The following CEP295 variants were observed in gnomAD, a reference collection of about 807,000 sequenced individuals.
The protein encoded by CEP295 is centrosomal protein 295, also known as centrosomal protein of 295 kDa.
A neutral mutation model predicts 291.6 loss-of-function variants in CEP295; 190 were observed. The ratio of observed to expected loss-of-function variants is 0.65; its 90% CI spans 0.58 to 0.73. The LOEUF (loss-of-function observed/expected upper bound fraction) is 0.73. Ranked by LOEUF, CEP295 falls within the 30% of genes least tolerant of loss-of-function variation. The pLI, the probability that CEP295 is intolerant of heterozygous loss-of-function variation, is 0.00. For missense variants in CEP295, 2,863 were observed against 2,949.4 expected (o/e 0.97, Z 0.68); for synonymous variants, 993 against 1,038.8 (o/e 0.96, Z 0.85).
intron 4 of CEP295, 134 bp from the exon 5 acceptor site, chr11:93,669,543 C>A: frequency 1.8e-6 from 1 of 544,020 alleles, no homozygotes; most frequent in Non-Finnish European, 3.3e-6. Flanking sequence ...AGACTCTTTA[C>A]ACATGTAAAG....
intron 1 of CEP295, among the ~76,000 whole-genome samples, chr11:93,663,904 T>C (rs1485171057): frequency 6.6e-6 from 1 of 152,170 alleles, no homozygotes; most frequent in Admixed American, 6.5e-5. Context: ...ATGTATACAC[T>C]TGTCTAAACC....
intron 1 of CEP295, among the ~76,000 whole-genome samples, chr11:93,663,374 C>T (rs892975233): frequency 6.6e-6 from 1 of 152,222 alleles, no homozygotes; most frequent in African/African-American, 2.4e-5. Context: ...TTCCCTCACA[C>T]ACGCATTTCT....
rs1372371722 is a variant in CEP295 at position 93,695,620 on chromosome 11, A to G, written c.1657A>G (p.Thr553Ala). The change falls in exon 13 of 30, where the codon ACT (threonine) becomes GCT (alanine). Residue 553 changes from threonine (T) to alanine (A), a missense_variant. By Grantham distance (58) the Thr-to-Ala change is moderately conservative. This residue lies in a region of CEP295 where 2,295 missense variants were observed against 2,335.7 expected (regional missense o/e 0.98). Coordinates refer to ENST00000325212, the MANE Select transcript of CEP295 (RefSeq NM_033395.2). ...GCTGGAAGAAGAAAAAAGAAAAAAA[A>G]CTCAACCGACTGGGGTAGGATGCAG... is the stretch of plus-strand genomic sequence containing the variant. ...AQLEEEKRKKTQPTGVGIAPA... is the reference protein window; with the variant it reads ...AQLEEEKRKKAQPTGVGIAPA... 2 of 1,491,894 alleles carry G rather than the reference A, an allele frequency of 1.3e-6. No individual in the cohort carries two copies. The highest frequency in any genetic ancestry group is 1.8e-6 in the Non-Finnish European group (2 of 1,130,592). 92.4% of individuals were successfully genotyped at this position (1,491,894 alleles called of 1,614,324 possible).
intron 5 of CEP295, among the ~76,000 whole-genome samples, chr11:93,674,658 A>C (rs1438518978): frequency 6.6e-6 from 1 of 152,038 alleles, no homozygotes; most frequent in Non-Finnish European, 1.5e-5. Context: ...GCCGAGGGAC[A>C]GAAAAGTTGA....
chr11:93,668,399 C>G lies in CEP295; in HGVS notation c.310-409C>G, dbSNP rs373524819. ...GTGTTTTTAGTAATAGCCGTAAGTT[C>G]TGACTCAGGTTTTTGTGGTTTTATG... On this transcript the variant is annotated intron_variant, in intron 3 of 29. Transcript: ENST00000325212. 3.9e-5 allele frequency among the ~76,000 whole-genome samples: 6 copies of G among 152,184 alleles called. No homozygotes were observed. The East Asian group carries it at 9.7e-4, about 24-fold the overall frequency.
rs757360043 is a variant in CEP295, at chr11:93,669,638, C to T, written c.435-39C>T. On this transcript the variant is annotated intron_variant, in intron 4 of 29. Coordinates refer to ENST00000325212, the MANE Select transcript of CEP295 (RefSeq NM_033395.2). ...TAACCCTGTTGTACTATAATATTATCACTGAGAGATTAATTGATGACATCT... is the reference window on the plus strand; with the variant it reads ...TAACCCTGTTGTACTATAATATTATTACTGAGAGATTAATTGATGACATCT... The T allele has an allele frequency of 4.4e-5, 56 of 1,285,414 alleles. 1 individual carries two copies. The highest frequency in any genetic ancestry group is 4.1e-4 in the South Asian group (32 of 78,390). The allele number at this position is 1,285,414 out of a possible 1,614,324, so 79.6% of individuals were successfully genotyped here. A position where few individuals can be genotyped will look rare whatever the true frequency, so the allele number is the denominator to read the frequency against.
chr11:93,690,642 G>A (rs570913676), intron 10 of CEP295, among the ~76,000 whole-genome samples: 332 of 144,194 alleles, frequency 2.3e-3, no homozygotes, highest in Non-Finnish European at 2.6e-3. Flanking sequence ...TGAGGCAGGA[G>A]AATGGTGTAA....
At chr11:93,728,997 C>A in intron 25 of CEP295, 176 bp downstream of exon 25, 1 of 573,306 alleles carries the variant, frequency 1.7e-6, no homozygotes, top group Non-Finnish European at 3.0e-6. Context: ...AACCATTGTG[C>A]ATTTTCTTTT....
chr11:93,728,520 C>T, intron 24 of CEP295, 161 bp from the exon 25 acceptor site: 1 of 535,902 alleles, frequency 1.9e-6, no homozygotes, highest in South Asian at 2.7e-5. Context: ...TTATGGAAGC[C>T]TAAGGAAATC....
rs548334133 is a variant in CEP295 at position 93,706,871 on chromosome 11, T to A, written c.5723T>A (p.Val1908Asp). 6.5e-7 allele frequency: 1 copy of A among 1,545,532 alleles called. No homozygotes were observed. Among genetic ancestry groups the A allele is most frequent in the Admixed American group, 2.0e-5 (1 of 49,872 alleles). ...SCLQLVGQEN[V>D]CGDDYDEAVK... ...CTTCAACTGGTTGGCCAAGAGAATGTCTGTGGTGATGACTATGATGAAGCA... is the reference window on the plus strand; with the variant it reads ...CTTCAACTGGTTGGCCAAGAGAATGACTGTGGTGATGACTATGATGAAGCA... The change falls in exon 18 of 30, where the codon GTC becomes GAC. Residue 1908 changes from valine (V) to aspartate (D), a missense_variant. Around this residue, in one of 3 missense-constraint regions of CEP295, gnomAD observed 2,295 missense variants for 2,335.7 expected, o/e 0.98. Coordinates refer to ENST00000325212, the MANE Select transcript of CEP295 (RefSeq NM_033395.2).
Position 93,696,888 on chromosome 11 carries a change from A to G in CEP295, c.1976A>G (p.Gln659Arg). The change falls in exon 15 of 30, where the codon CAA becomes CGA. Residue 659 changes from glutamine to arginine, a missense_variant. By Grantham distance (43) the Gln-to-Arg change is conservative. Around this residue, in one of 3 missense-constraint regions of CEP295, gnomAD observed 2,295 missense variants for 2,335.7 expected, o/e 0.98. Coordinates refer to ENST00000325212, the MANE Select transcript of CEP295 (RefSeq NM_033395.2). Reference protein sequence around the residue: ...QRLKLSPNKYQPIQPIQTSKL... With the variant: ...QRLKLSPNKYRPIQPIQTSKL... ...CTCAAGTTGAGTCCTAACAAATACCAACCCATACAACCTATACAGACCTCC... is the reference window on the plus strand; with the variant it reads ...CTCAAGTTGAGTCCTAACAAATACCGACCCATACAACCTATACAGACCTCC... The G allele has an allele frequency of 6.4e-7, 1 of 1,551,964 alleles. No homozygotes were observed.
chr11:93,728,475 G>C, intron 24 of CEP295: 1 of 449,500 alleles, frequency 2.2e-6, no homozygotes, highest in Non-Finnish European at 3.9e-6. Flanking sequence ...CCTCCCCAAA[G>C]TAGGCTCCAG....
intron 19 of CEP295, chr11:93,721,617 TGAG>T (rs766300498): frequency 1.3e-6 from 1 of 754,890 alleles, no homozygotes; most frequent in East Asian, 2.5e-5. Context: ...TCTACAGTTC[TGAG>T]AAGCAAAACT....
intron 5 of CEP295, among the ~76,000 whole-genome samples, chr11:93,672,441 T>C (rs1950496597): frequency 6.6e-6 from 1 of 151,792 alleles, no homozygotes; most frequent in African/African-American, 2.4e-5. Context: ...AGACGGGATC[T>C]CACTATGTTG....
chr11:93,716,782 G>C (rs1448731203), intron 18 of CEP295, among the ~76,000 whole-genome samples: 1 of 152,226 alleles, frequency 6.6e-6, no homozygotes, highest in Admixed American at 6.5e-5. Context: ...GTGCAACCCA[G>C]ATGCCCATTA....
chr11:93,720,328 C>A (rs1953609148), intron 18 of CEP295, among the ~76,000 whole-genome samples: 1 of 151,874 alleles, frequency 6.6e-6, no homozygotes, highest in African/African-American at 2.4e-5. Context: ...GAAAAATTAG[C>A]CAGGCATGGT....
chr11:93,689,558 T>G (rs1163492849), intron 10 of CEP295, among the ~76,000 whole-genome samples: 1 of 152,162 alleles, frequency 6.6e-6, no homozygotes, highest in African/African-American at 2.4e-5. Flanking sequence ...CCTTTCTCAG[T>G]AAGGCCTTTT....
In CEP295 at chr11:93,699,048, A is replaced by C; in HGVS notation, c.4136A>C (p.His1379Pro). The C allele has an allele frequency of 6.5e-7, 1 of 1,546,158 alleles. No individual in the cohort carries two copies. Among genetic ancestry groups the C allele is most frequent in the Admixed American group, 2.0e-5 (1 of 51,004 alleles). The stretch of plus-strand genomic sequence containing the variant: ...GAAGCTCGGGAAGAATTACTTTTAC[A>C]TCAGAGTGAATGGGAGGGAAGAATA... ...RQEAREELLL[H>P]QSEWEGRISP... is the part of the protein sequence containing the mutation. The change falls in exon 15 of 30, where the codon CAT becomes CCT. Residue 1379 changes from histidine (H) to proline (P), a missense_variant. Transcript: ENST00000325212.
chr11:93,693,072 T>TA (rs1228425079), intron 12 of CEP295, among the ~76,000 whole-genome samples: 1 of 147,672 alleles, frequency 6.8e-6, no homozygotes, highest in African/African-American at 2.5e-5. Flanking sequence ...GGTCAGGAGA[T>TA]AGAGACCATC....
Sources: allele counts gnomAD v4.1 joint callset (sites outside exome capture counted in the v4.1 genomes callset), GRCh38; gene constraint gnomAD v4.1.1; regional missense constraint gnomAD v4.1.1; transcripts MANE v1.5; gene names NCBI Gene and HGNC (gene_info 2026-07-23, HGNC 2026-07-21).